Variants in MED25 observed in about 807,000 individuals in gnomAD.
MED25 encodes the protein mediator of RNA polymerase II transcription subunit 25.
In MED25, 62 loss-of-function variants were observed where a neutral mutation model predicts 89.4. The observed-to-expected ratio is 0.69, with a 90% CI of 0.57 to 0.86. The LOEUF is 0.86. Among genes scored for constraint, MED25 ranks in the 40% least tolerant of loss-of-function variants. MED25 has a pLI of 0.00. For missense variants in MED25, 905 were observed against 1,005.2 expected, an observed-to-expected ratio of 0.90 and a Z score of 1.35; for synonymous variants, 449 against 427.9, an observed-to-expected ratio of 1.05 and a Z score of -0.61.
Position 49,829,787 on chromosome 19 carries a change from G to T in MED25, c.527G>T (p.Arg176Leu). The change falls in exon 6 of 18, where the codon CGG (arginine) becomes CTG (leucine). Residue 176 changes from arginine (R) to leucine (L), a missense_variant and splice_region_variant. Arg to Leu is a moderately radical substitution (Grantham distance 102). This residue lies in a region of MED25 where 501 missense variants were observed against 526.9 expected (regional missense o/e 0.95). Transcript: ENST00000312865. The surrounding 1 kb of genome is among the most constrained non-coding windows in gnomAD (Gnocchi z 4.6). Reference sequence around the variant, plus strand: ...GACTGCTCGGCCCCTCTCCTACAGCGGGGGATCCACTTCTCCATTGTGTCT... The same window carrying T: ...GACTGCTCGGCCCCTCTCCTACAGCTGGGGATCCACTTCTCCATTGTGTCT... ...TENLVQQIGE[R>L]GIHFSIVSPR... The T allele has an allele frequency of 6.3e-7, 1 of 1,589,794 alleles. No individual in the cohort carries two copies. The highest frequency in any genetic ancestry group is 8.6e-7 in the Non-Finnish European group (1 of 1,168,312).
At position 49,836,502 on chromosome 19, in the gene MED25, C is replaced by G. The variant is rs1009872954; in HGVS notation, c.2146+96C>G. On this transcript the variant is annotated intron_variant, in intron 17 of 17. Transcript: ENST00000312865. This position sits in a 1 kb window ranked among gnomAD's most constrained non-coding sequence, Gnocchi z 5.1. ...ACCGAGTGCTCCTGGGAAGTAAAGACATAGGATCCAAGAATGAGGGTTCCC... is the reference window on the plus strand; with the variant it reads ...ACCGAGTGCTCCTGGGAAGTAAAGAGATAGGATCCAAGAATGAGGGTTCCC... The G allele has an allele frequency of 2.1e-6, 3 of 1,426,898 alleles. No homozygotes were observed. In the African/African-American group the frequency reaches 4.2e-5, roughly 20 times the overall value. The allele number at this position is 1,426,898 out of a possible 1,614,324, so 88.4% of individuals were successfully genotyped here.
rs2074091455 is a variant in MED25 at position 49,835,719 on chromosome 19, C to T, written c.1747-8C>T. On this transcript the variant is annotated splice_polypyrimidine_tract_variant and splice_region_variant and intron_variant, in intron 15 of 17. Coordinates refer to ENST00000312865, the MANE Select transcript of MED25 (RefSeq NM_030973.4). The surrounding 1 kb of genome is among the most constrained non-coding windows in gnomAD (Gnocchi z 6.2). ...CATCTCCCTCACCCCTGTGTCTCTT[C>T]CCACCAGCTCCAGCTCCGCCCACCG... is the stretch of plus-strand genomic sequence containing the variant. 2 of 1,608,316 alleles carry T rather than the reference C, an allele frequency of 1.2e-6. No individual in the cohort carries two copies. The highest frequency in any genetic ancestry group is 2.7e-5 in the African/African-American group (2 of 74,882).
At position 49,818,558 on chromosome 19, in the gene MED25, C is replaced by G; in HGVS notation, c.135-13C>G. 1 of 1,614,224 alleles carries G rather than the reference C, an allele frequency of 6.2e-7. No individual in the cohort carries two copies. Among genetic ancestry groups the G allele is most frequent in the South Asian group, 1.1e-5 (1 of 91,088 alleles). On this transcript the variant is annotated splice_polypyrimidine_tract_variant and intron_variant, in intron 1 of 17. Transcript: ENST00000312865. Reference sequence around the variant, plus strand: ...CTTGCCTGACTCCGACCTTTCACTTCCTACCCTCACAGGTATTTTAATGGT... The same window carrying G: ...CTTGCCTGACTCCGACCTTTCACTTGCTACCCTCACAGGTATTTTAATGGT...
rs369512125 is a variant in MED25 at position 49,830,209 on chromosome 19, G to A, written c.810G>A (p.Pro270=). The change falls in exon 7 of 18, where the codon CCG becomes CCA. Residue 270 remains proline, a synonymous_variant. Coordinates refer to ENST00000312865, the MANE Select transcript of MED25 (RefSeq NM_030973.4). This position sits in a 1 kb window ranked among gnomAD's most constrained non-coding sequence, Gnocchi z 4.6. ...APQQPLPPVP[P]QYQVPGNLSA... is the part of the protein sequence containing the mutation. ...AGCAGCCTCTGCCCCCCGTCCCCCC[G>A]CAGTACCAGGTATGGATATTTCCGG... 2.2e-5 allele frequency: 36 copies of A among 1,604,984 alleles called. No individual in the cohort carries two copies. The highest frequency in any genetic ancestry group is 1.6e-4 in the East Asian group (7 of 44,630).
At chr19:49,838,415 A>T (rs1008415681), downstream of MED25, 1 of 368,088 alleles carries the variant, frequency 2.7e-6, no homozygotes, top group Admixed American at 3.5e-5. Flanking sequence ...GCCCCTCTCC[A>T]TGGGGCGTGT....
chr19:49,828,470 G>A lies in MED25; in HGVS notation c.327G>A (p.Glu109=). The A allele has an allele frequency of 6.2e-7, 1 of 1,614,042 alleles. No individual in the cohort carries two copies. Among genetic ancestry groups the A allele is most frequent in the Non-Finnish European group, 8.5e-7 (1 of 1,179,964 alleles). Residue 109 remains glutamate, a synonymous_variant, in exon 4 of 18, where the codon GAG becomes GAA. Coordinates refer to ENST00000312865, the MANE Select transcript of MED25 (RefSeq NM_030973.4). ...GCAGGTTCATGGGCGGGGGTGGTGA[G>A]AGCTGCAGCCTCATCGCGGAAGGAC... The part of the protein sequence containing the change: ...DGIKFMGGGG[E]SCSLIAEGLS...
Position 49,829,165 on chromosome 19 carries a change from G to A in MED25, c.525+75G>A. On this transcript the variant is annotated intron_variant, in intron 5 of 17. Coordinates refer to ENST00000312865, the MANE Select transcript of MED25 (RefSeq NM_030973.4). This position sits in a 1 kb window ranked among gnomAD's most constrained non-coding sequence, Gnocchi z 4.6. ...GGGTCTGAGGCAGGAGGCACTGAGG[G>A]CCTGGACTCCTGGGTCTGAGGGAGG... is the stretch of plus-strand genomic sequence containing the variant. 7.3e-7 allele frequency: 1 copy of A among 1,371,266 alleles called. No homozygotes were observed. The highest frequency in any genetic ancestry group is 1.0e-6 in the Non-Finnish European group (1 of 980,746). The allele number at this position is 1,371,266 out of a possible 1,614,324, so 84.9% of individuals were successfully genotyped here.
chr19:49,836,129 C>G lies in MED25; in HGVS notation c.1966-97C>G. 1 of 1,522,988 alleles carries G rather than the reference C, an allele frequency of 6.6e-7. No homozygotes were observed. Among genetic ancestry groups the G allele is most frequent in the Non-Finnish European group, 9.0e-7 (1 of 1,113,324 alleles). 94.3% of individuals were successfully genotyped at this position (1,522,988 alleles called of 1,614,324 possible). The stretch of plus-strand genomic sequence containing the variant: ...CCCCCACCTTTGAAGAAAAACTTCC[C>G]CTCACCACTAGCTGATTCCATCTCT... On this transcript the variant is annotated intron_variant, in intron 16 of 17. Coordinates refer to ENST00000312865, the MANE Select transcript of MED25 (RefSeq NM_030973.4). This position sits in a 1 kb window ranked among gnomAD's most constrained non-coding sequence, Gnocchi z 5.1.
chr19:49,819,270 G>GT lies in MED25; in HGVS notation c.282dup (p.Val95CysfsTer8), dbSNP rs1568618345. On this transcript the variant is annotated frameshift_variant, in exon 3 of 18. Transcript: ENST00000312865. LOFTEE classifies it high-confidence loss of function. ...ACGCTCCCACCAGCAGCGCCTATGA[G>GT]TTTGTCACCTGGCTCGATGGCATTA... 6.2e-7 allele frequency: 1 copy of GT among 1,614,244 alleles called. No individual in the cohort carries two copies. Among genetic ancestry groups the GT allele is most frequent in the South Asian group, 1.1e-5 (1 of 91,088 alleles).
At position 49,836,929 on chromosome 19, in the gene MED25, C is replaced by T; in HGVS notation, c.2229C>T (p.Leu743=). The change falls in exon 18 of 18, where the codon CTC becomes CTT. Residue 743 remains leucine (L), a synonymous_variant. Transcript: ENST00000312865. The surrounding 1 kb of genome is among the most constrained non-coding windows in gnomAD (Gnocchi z 5.1). ...LQPSVMEDDI[L]MDLI ...CCAGCGTCATGGAGGACGACATCCTCATGGATCTCATCTGAATCCCCAACA... is the reference window on the plus strand; with the variant it reads ...CCAGCGTCATGGAGGACGACATCCTTATGGATCTCATCTGAATCCCCAACA... 1.2e-6 allele frequency: 2 copies of T among 1,612,922 alleles called. No homozygotes were observed.
chr19:49,838,437 C>T (rs570275781), downstream of MED25: 12 of 380,810 alleles, frequency 3.2e-5, no homozygotes, highest in Admixed American at 1.3e-4. Context: ...CTTTCTGGTT[C>T]GCCACAGTCC....
At position 49,836,632 on chromosome 19, in the gene MED25, T is replaced by C; in HGVS notation, c.2147-215T>C. 6.7e-6 allele frequency: 5 copies of C among 740,776 alleles called. No individual in the cohort carries two copies. Among genetic ancestry groups the C allele is most frequent in the Non-Finnish European group, 1.2e-5 (5 of 411,888 alleles). The allele number at this position is 740,776 out of a possible 1,614,324, so 45.9% of individuals were successfully genotyped here. ...CCCATGATCCTCCTGTGTGTGCTCC[T>C]GGGATTGCTGGGAAATGTGGTCTTA... is the stretch of plus-strand genomic sequence containing the variant. On this transcript the variant is annotated intron_variant, in intron 17 of 17. Transcript: ENST00000312865. This position sits in a 1 kb window ranked among gnomAD's most constrained non-coding sequence, Gnocchi z 5.1.
chr19:49,835,809 C>T lies in MED25; in HGVS notation c.1829C>T (p.Thr610Ile). Residue 610 changes from threonine to isoleucine, a missense_variant, in exon 16 of 18, where the codon ACT becomes ATT. Transcript: ENST00000312865. This position sits in a 1 kb window ranked among gnomAD's most constrained non-coding sequence, Gnocchi z 6.2. ...ACGGGGCAGCCCCAGCCCCAAGGTA[C>T]TGCCCAGCCCCCGCCAGGTGCCCCT... is the stretch of plus-strand genomic sequence containing the variant. ...GATGQPQPQG[T>I]AQPPPGAPQG... The T allele has an allele frequency of 6.2e-7, 1 of 1,608,270 alleles. No homozygotes were observed. Among genetic ancestry groups the T allele is most frequent in the Non-Finnish European group, 8.5e-7 (1 of 1,176,462 alleles).
rs940510031 is a variant in MED25 at position 49,828,602 on chromosome 19, C to T, written c.404+55C>T. On this transcript the variant is annotated intron_variant, in intron 4 of 17. Transcript: ENST00000312865. ...GGTCTCTCTCTGCCTGGCCTGGAAC[C>T]ACTTTGCCTGTCGAGTGGTTCTACC... The T allele has an allele frequency of 2.8e-6, 4 of 1,416,604 alleles. No homozygotes were observed. In the South Asian group the frequency reaches 3.4e-5, roughly 12 times the overall value. 87.8% of individuals were successfully genotyped at this position (1,416,604 alleles called of 1,614,324 possible).
downstream of MED25, chr19:49,838,998 T>G: frequency 2.9e-6 from 1 of 343,052 alleles, no homozygotes; most frequent in Non-Finnish European, 5.7e-6. Context: ...GTTATTTAAG[T>G]CTAACGGGCA....
chr19:49,830,202 T>TC lies in MED25; in HGVS notation c.809dup (p.Gln271AlafsTer128). 6.2e-7 allele frequency: 1 copy of TC among 1,601,116 alleles called. No homozygotes were observed. The highest frequency in any genetic ancestry group is 8.5e-7 in the Non-Finnish European group (1 of 1,172,492). ...GCCCCCCAGCAGCCTCTGCCCCCCG[T>TC]CCCCCCGCAGTACCAGGTATGGATA... is the stretch of plus-strand genomic sequence containing the variant. On this transcript the variant is annotated frameshift_variant, in exon 7 of 18. Transcript: ENST00000312865. LOFTEE classifies it high-confidence loss of function. The surrounding 1 kb of genome is among the most constrained non-coding windows in gnomAD (Gnocchi z 4.6).
At chr19:49,837,100 G>C, downstream of MED25, 1 of 714,376 alleles carries the variant, frequency 1.4e-6, no homozygotes, top group Non-Finnish European at 2.5e-6. Flanking sequence ...TGACGCTGGG[G>C]CCTCCGTGGT....
intron 2 of MED25, 60 bp from the exon 3 acceptor site, chr19:49,819,112 T>C: frequency 6.2e-7 from 1 of 1,606,446 alleles, no homozygotes; most frequent in Non-Finnish European, 8.5e-7. Context: ...CCTGATTCCT[T>C]CTCTAAGGGA....
At chr19:49,825,042 C>A (rs561256992) in intron 3 of MED25, among the ~76,000 whole-genome samples, 1 of 152,238 alleles carries the variant, frequency 6.6e-6, no homozygotes, top group Admixed American at 6.5e-5. Context: ...TGGAATTTAT[C>A]ATAAACTTGA....
Sources: gnomAD v4.1 joint callset for allele counts (sites outside exome capture counted in the v4.1 genomes callset) on GRCh38, gnomAD v4.1.1 for gene constraint, gnomAD v4.1.1 regional missense constraint, Gnocchi (gnomAD v3.1) non-coding constraint, MANE v1.5 for transcripts, NCBI Gene and HGNC (gene_info 2026-07-23, HGNC 2026-07-21) for gene names.